PRKCZ: variants seen among roughly 807,000 people sequenced by gnomAD.
PRKCZ encodes the protein protein kinase C zeta.
PRKCZ carries 33 observed loss-of-function variants against 79.5 expected under a neutral mutation model. That is an observed-to-expected ratio of 0.41 (90% CI 0.31 to 0.55). PRKCZ has a LOEUF of 0.55. Ranked by LOEUF, PRKCZ falls within the 20% of genes least tolerant of loss-of-function variation. PRKCZ has a pLI of 0.19. For missense variants in PRKCZ, 578 were observed against 813.5 expected, an observed-to-expected ratio of 0.71 and a Z score of 3.52; for synonymous variants, 342 against 320.9, an observed-to-expected ratio of 1.07 and a Z score of -0.70.
At chr1:2,132,653 C>T (rs754881667) in intron 4 of PRKCZ, among the ~76,000 whole-genome samples, 2 of 152,218 alleles carry the variant, frequency 1.3e-5, no homozygotes, top group Admixed American at 6.5e-5. Flanking sequence ...CTGCTTTTTC[C>T]TCATGGATTT....
chr1:2,171,765 C>T (rs990487366), intron 11 of PRKCZ: 46 of 404,950 alleles, frequency 1.1e-4, no homozygotes, highest in Non-Finnish European at 1.6e-4. Context: ...GTCTTTCCCG[C>T]ATGGAAGCTG....
intron 9 of PRKCZ, among the ~76,000 whole-genome samples, chr1:2,152,655 C>T (rs1680128641): frequency 6.6e-6 from 1 of 152,216 alleles, no homozygotes; most frequent in African/African-American, 2.4e-5. Context: ...AAAAGGAGAC[C>T]CCATACCCAC....
intron 11 of PRKCZ, among the ~76,000 whole-genome samples, chr1:2,171,798 C>T (rs1367810092): frequency 6.6e-6 from 1 of 152,212 alleles, no homozygotes; most frequent in African/African-American, 2.4e-5. Context: ...CCCGCTCCTC[C>T]CCTTGTGGAG....
chr1:2,083,222 G>A (rs1663897789), intron 4 of PRKCZ, among the ~76,000 whole-genome samples: 1 of 152,144 alleles, frequency 6.6e-6, no homozygotes, highest in Admixed American at 6.5e-5. Flanking sequence ...GGAGGTGGCT[G>A]CGTCCATGTC....
intron 6 of PRKCZ, 46 bp downstream of exon 6, chr1:2,144,387 G>C (rs1415816718): frequency 1.3e-6 from 2 of 1,542,508 alleles, no homozygotes; most frequent in South Asian, 1.2e-5. Context: ...GGCGGGGTCG[G>C]GGCGTGGCAG....
intron 4 of PRKCZ, among the ~76,000 whole-genome samples, chr1:2,063,639 G>C (rs968492598): frequency 1.3e-5 from 2 of 152,146 alleles, no homozygotes; most frequent in African/African-American, 4.8e-5. Context: ...GAGCCGCCGT[G>C]CCATTTCCCA....
At chr1:2,069,806 G>C (rs1425869996) in intron 4 of PRKCZ, among the ~76,000 whole-genome samples, 1 of 152,194 alleles carries the variant, frequency 6.6e-6, no homozygotes, top group East Asian at 1.9e-4. Context: ...GTCTTCCTTT[G>C]GGTGGGGTTA....
chr1:2,061,073 C>G (rs1660630981), intron 4 of PRKCZ, among the ~76,000 whole-genome samples: 1 of 152,238 alleles, frequency 6.6e-6, no homozygotes, highest in Non-Finnish European at 1.5e-5. Flanking sequence ...CCTCATGCTG[C>G]TGCTTTATAG....
chr1:2,095,767 C>CCCCTCCTCTT (rs1557546980), intron 4 of PRKCZ, among the ~76,000 whole-genome samples: 1 of 143,758 alleles, frequency 7.0e-6, no homozygotes, highest in Non-Finnish European at 1.5e-5. Flanking sequence ...CCTTTCCGCT[C>CCCCTCCTCTT]CCCTCCTCTT....
At chr1:2,163,898 CAAAAAAAAGAA>C (rs1682810773) in intron 10 of PRKCZ, among the ~76,000 whole-genome samples, 1 of 148,878 alleles carries the variant, frequency 6.7e-6, no homozygotes, top group African/African-American at 2.5e-5. Context: ...GACTCCATCT[CAAAAAAAAGAA>C]AAAAAAAAGA....
chr1:2,057,185 C>T (rs76681469), intron 3 of PRKCZ, among the ~76,000 whole-genome samples: 1,767 of 152,332 alleles, frequency 0.012, 31 homozygotes, highest in African/African-American at 0.04. Flanking sequence ...TCCCTAGGCC[C>T]GGCTCCAGGC....
rs960587055 is a variant in PRKCZ at position 2,112,928 on chromosome 1, G to A, written c.335-22334G>A. Among the ~76,000 whole-genome samples, 5 of 152,320 alleles carry A rather than the reference G, an allele frequency of 3.3e-5. No individual in the cohort carries two copies. The East Asian group carries it at 9.6e-4, about 29-fold the overall frequency. ...GCTGGTCTCGAACTCCTGACCTCAG[G>A]CGATCCGCCTGCCTTGGCCTCCCAA... On this transcript the variant is annotated intron_variant, in intron 4 of 17. Transcript: ENST00000378567.
intron 4 of PRKCZ, among the ~76,000 whole-genome samples, chr1:2,079,295 G>A (rs1481473752): frequency 3.3e-5 from 5 of 152,248 alleles, no homozygotes; most frequent in African/African-American, 4.8e-5. Flanking sequence ...GGCTTCCCGC[G>A]TGTGAACTCA....
intron 3 of PRKCZ, among the ~76,000 whole-genome samples, chr1:2,058,965 C>G (rs973755504): frequency 1.3e-5 from 2 of 152,002 alleles, no homozygotes; most frequent in African/African-American, 4.8e-5. Context: ...TATACACACA[C>G]ACATAAAAAA....
chr1:2,084,930 G>C (rs977741928), intron 4 of PRKCZ, among the ~76,000 whole-genome samples: 1 of 152,060 alleles, frequency 6.6e-6, no homozygotes, highest in Non-Finnish European at 1.5e-5. Context: ...GATCGCCTGA[G>C]CCCAGGAGTT....
rs756834574 is a variant in PRKCZ, at chr1:2,059,498, AGCCGCAGGGTCTT to A, written c.284-41_284-29del. 1.5e-5 allele frequency: 24 copies of A among 1,610,496 alleles called. No homozygotes were observed. In the East Asian group the frequency reaches 5.4e-4, roughly 36 times the overall value. ...TTCCTCCGTGAGACTGTTGAGTGGC[AGCCGCAGGGTCTT>A]GACGCTGTCTCTTTCTCTCTCTTGT... On this transcript the variant is annotated intron_variant, in intron 3 of 17. Coordinates refer to ENST00000378567, the MANE Select transcript of PRKCZ (RefSeq NM_002744.6).
intron 4 of PRKCZ, among the ~76,000 whole-genome samples, chr1:2,105,245 G>T (rs550137784): frequency 1.3e-5 from 2 of 152,196 alleles, no homozygotes; most frequent in Non-Finnish European, 2.9e-5. Flanking sequence ...GACCCCAGCA[G>T]CTGGTTTGTC....
chr1:2,053,298 A>G (rs1199561359), intron 1 of PRKCZ, among the ~76,000 whole-genome samples: 1 of 151,866 alleles, frequency 6.6e-6, no homozygotes, highest in African/African-American at 2.4e-5. Flanking sequence ...ATGAGGTTTC[A>G]CTTTGTTGGC....
intron 6 of PRKCZ, 44 bp from the exon 7 acceptor site, chr1:2,145,983 C>T: frequency 6.6e-7 from 1 of 1,518,246 alleles, no homozygotes; most frequent in Non-Finnish European, 9.2e-7. Context: ...GTAACACCTG[C>T]TCTAGCACTT....
Sources: gnomAD v4.1 joint callset for allele counts (sites outside exome capture counted in the v4.1 genomes callset) on GRCh38, gnomAD v4.1.1 for gene constraint, MANE v1.5 for transcripts, NCBI Gene and HGNC (gene_info 2026-07-23, HGNC 2026-07-21) for gene names.